The following CSMD1 variants were observed in gnomAD, a reference collection of about 807,000 sequenced individuals.
CSMD1 encodes CUB and Sushi multiple domains 1.
A neutral mutation model predicts 417.5 loss-of-function variants in CSMD1; 213 were observed. That is an observed-to-expected ratio of 0.51 (90% CI 0.46 to 0.57). CSMD1 has a LOEUF of 0.57. Among genes scored for constraint, CSMD1 ranks in the 20% least tolerant of loss-of-function variants. The pLI is 0.00. For missense variants in CSMD1, 6,923 were observed against 4,529.7 expected (o/e 1.53, Z -15.17); for synonymous variants, 2,862 against 1,736.8 (o/e 1.65, Z -16.11).
At chr8:4,925,525 G>C (rs1173453102) in intron 1 of CSMD1, among the ~76,000 whole-genome samples, 2 of 145,830 alleles carry the variant, frequency 1.4e-5, no homozygotes, top group Admixed American at 7.1e-5. Context: ...TGGGTATTCT[G>C]TCTGGCATTT....
chr8:4,633,875 A>AC (rs1802683311), intron 2 of CSMD1, among the ~76,000 whole-genome samples: 1 of 152,114 alleles, frequency 6.6e-6, no homozygotes, highest in Non-Finnish European at 1.5e-5. Flanking sequence ...ACATGTTAAA[A>AC]AATAAGCATT....
At chr8:2,984,366 C>T (rs573414593) in intron 54 of CSMD1, among the ~76,000 whole-genome samples, 477 of 151,998 alleles carry the variant, frequency 3.1e-3, no homozygotes, top group Non-Finnish European at 5.4e-3. Context: ...TTTTTTCCCC[C>T]GAGACCACGT....
At chr8:2,975,556 T>C (rs1396038682) in intron 55 of CSMD1, among the ~76,000 whole-genome samples, 1 of 152,192 alleles carries the variant, frequency 6.6e-6, no homozygotes, top group African/African-American at 2.4e-5. Flanking sequence ...AGCCGTCACT[T>C]TCTGTCTTAC....
At chr8:3,488,890 T>C (rs540813861) in intron 11 of CSMD1, among the ~76,000 whole-genome samples, 84 of 152,314 alleles carry the variant, frequency 5.5e-4, no homozygotes, top group African/African-American at 1.7e-3. Context: ...ATCTTATTTC[T>C]ATTTGGTTTG....
chr8:3,099,221 G>A (rs750968242), intron 46 of CSMD1, among the ~76,000 whole-genome samples: 4 of 152,070 alleles, frequency 2.6e-5, no homozygotes, highest in Non-Finnish European at 5.9e-5. Context: ...ACCACACAGA[G>A]GGAGGTCGTG....
At chr8:4,182,677 G>T (rs1486399408) in intron 3 of CSMD1, among the ~76,000 whole-genome samples, 1 of 152,022 alleles carries the variant, frequency 6.6e-6, no homozygotes, top group East Asian at 1.9e-4. Context: ...CACAAATTGT[G>T]AATGCCCGAT....
intron 12 of CSMD1, among the ~76,000 whole-genome samples, chr8:3,443,015 T>G (rs1478510591): frequency 2.0e-5 from 3 of 152,186 alleles, no homozygotes; most frequent in Non-Finnish European, 4.4e-5. Flanking sequence ...ACTTGCATAT[T>G]TCTGTTTAAA....
intron 1 of CSMD1, among the ~76,000 whole-genome samples, chr8:4,955,474 G>C (rs1299623778): frequency 1.3e-5 from 2 of 148,794 alleles, no homozygotes; most frequent in Non-Finnish European, 1.5e-5. Flanking sequence ...TTTTTATTGT[G>C]AGACAGAGTC....
intron 10 of CSMD1, among the ~76,000 whole-genome samples, chr8:3,513,007 G>C (rs961817341): frequency 9.9e-5 from 15 of 152,120 alleles, no homozygotes; most frequent in Admixed American, 8.5e-4. Context: ...TAGCATGCTT[G>C]AAAGATCATT....
At chr8:3,164,921 T>A (rs1820116300) in intron 37 of CSMD1, among the ~76,000 whole-genome samples, 1 of 152,046 alleles carries the variant, frequency 6.6e-6, no homozygotes, top group Non-Finnish European at 1.5e-5. Flanking sequence ...TTTATTGTCA[T>A]TTTCTCCTTT....
At chr8:3,268,683 T>G (rs958937219) in intron 26 of CSMD1, among the ~76,000 whole-genome samples, 3 of 152,156 alleles carry the variant, frequency 2.0e-5, no homozygotes, top group Admixed American at 1.3e-4. Context: ...TTAAAGACAT[T>G]GTGATAATCC....
intron 11 of CSMD1, among the ~76,000 whole-genome samples, chr8:3,470,727 C>G (rs999453147): frequency 6.6e-6 from 1 of 152,090 alleles, no homozygotes; most frequent in Non-Finnish European, 1.5e-5. Context: ...TAATCAGTAT[C>G]CATCTCTAAA....
At chr8:3,561,494 C>G (rs1799464316) in intron 10 of CSMD1, among the ~76,000 whole-genome samples, 1 of 152,156 alleles carries the variant, frequency 6.6e-6, no homozygotes, top group Non-Finnish European at 1.5e-5. Flanking sequence ...AACAGAATGT[C>G]ATTATCCTAA....
Position 4,994,485 on chromosome 8 carries a change from C to A in CSMD1, c.-69G>T, listed in dbSNP as rs755599889. On this transcript the variant is annotated 5_prime_UTR_variant, in exon 1 of 70. Coordinates refer to ENST00000635120, the MANE Select transcript of CSMD1 (RefSeq NM_033225.6). ...GAGGAAGGCAGGGCTATGAGCGGAG[C>A]CAAATAATCACCCGAGGGCAAGGCG... The A allele has an allele frequency of 7.1e-7, 1 of 1,412,778 alleles. No individual in the cohort carries two copies. Among genetic ancestry groups the A allele is most frequent in the South Asian group, 1.2e-5 (1 of 84,734 alleles). The allele number at this position is 1,412,778 out of a possible 1,614,324, so 87.5% of individuals were successfully genotyped here.
rs10650865 is a variant in CSMD1 at position 4,131,756 on chromosome 8, C to CTTTTTTTTTT, written c.416-99667_416-99658dup. On this transcript the variant is annotated intron_variant, in intron 3 of 69. Coordinates refer to ENST00000635120, the MANE Select transcript of CSMD1 (RefSeq NM_033225.6). ...AGATTAAATTAGTATACAAATGTGA[C>CTTTTTTTTTT]TTTTTTTTTTTTTTTTTTTTTTTTG... is the stretch of plus-strand genomic sequence containing the variant. 9.2e-5 allele frequency among the ~76,000 whole-genome samples: 8 copies of CTTTTTTTTTT among 87,426 alleles called. 1 individual carries two copies. Among genetic ancestry groups the CTTTTTTTTTT allele is most frequent in the South Asian group, 4.7e-4 (1 of 2,110 alleles). 57.4% of individuals were successfully genotyped at this position (87,426 alleles called of 152,430 possible).
At chr8:4,351,404 G>T (rs983493372) in intron 3 of CSMD1, among the ~76,000 whole-genome samples, 1 of 152,126 alleles carries the variant, frequency 6.6e-6, no homozygotes, top group Non-Finnish European at 1.5e-5. Context: ...AGCCCATGCT[G>T]GCTGTTATAC....
In CSMD1 at chr8:3,466,533, C is replaced by A. The variant is rs375880578; in HGVS notation, c.1561+2179G>T. 7.9e-5 allele frequency among the ~76,000 whole-genome samples: 12 copies of A among 151,550 alleles called. 1 individual carries two copies. The highest frequency in any genetic ancestry group is 7.2e-4 in the Admixed American group (11 of 15,210). ...CAAGCGATTCTTCTGCCCCAGCCTC[C>A]TGTGTATCTGGGATTACAGGTACCC... On this transcript the variant is annotated intron_variant, in intron 12 of 69. Coordinates refer to ENST00000635120, the MANE Select transcript of CSMD1 (RefSeq NM_033225.6).
At chr8:3,873,409 T>G (rs1328112405) in intron 5 of CSMD1, among the ~76,000 whole-genome samples, 1 of 152,084 alleles carries the variant, frequency 6.6e-6, no homozygotes, top group South Asian at 2.1e-4. Flanking sequence ...GGCAGGCACA[T>G]GGATGGAACT....
chr8:4,250,946 C>T (rs993465051), intron 3 of CSMD1, among the ~76,000 whole-genome samples: 4 of 152,122 alleles, frequency 2.6e-5, no homozygotes, highest in African/African-American at 9.7e-5. Context: ...CTTCAGATGA[C>T]ACGTTTCCCT....
Sources: gnomAD v4.1 joint callset for allele counts (sites outside exome capture counted in the v4.1 genomes callset) on GRCh38, gnomAD v4.1.1 for gene constraint, MANE v1.5 for transcripts, NCBI Gene and HGNC (gene_info 2026-07-23, HGNC 2026-07-21) for gene names.